MYO3B: variants seen among roughly 807,000 people sequenced by gnomAD.
MYO3B encodes the protein myosin IIIB.
In MYO3B, 156 loss-of-function variants were observed where a neutral mutation model predicts 174.6. The observed-to-expected ratio is 0.89, with a 90% CI of 0.78 to 1.02. MYO3B has a LOEUF of 1.02. Ranked by LOEUF, MYO3B falls within the 50% of genes least tolerant of loss-of-function variation. MYO3B has a pLI of 0.00. For synonymous variants in MYO3B, 563 were observed against 569.1 expected (o/e 0.99, Z 0.15); for missense variants, 1,632 against 1,639.4 (o/e 1.00, Z 0.08).
chr2:170,561,086 A>T (rs1479765228), intron 32 of MYO3B, among the ~76,000 whole-genome samples: 1 of 152,170 alleles, frequency 6.6e-6, no homozygotes, highest in East Asian at 1.9e-4. Context: ...TGTGCTGCTT[A>T]TTCTTTGCCC....
At chr2:170,445,446 A>G (rs1377972707) in intron 23 of MYO3B, among the ~76,000 whole-genome samples, 2 of 151,660 alleles carry the variant, frequency 1.3e-5, no homozygotes, top group Admixed American at 6.6e-5. Context: ...CATTCAAACG[A>G]TTCTCCTGCC....
In MYO3B at chr2:170,546,734, C is replaced by A. The variant is rs7557306; in HGVS notation, c.3733+2746C>A. 9.1e-3 allele frequency among the ~76,000 whole-genome samples: 1,381 copies of A among 152,204 alleles called. 35 individuals are homozygous for A. Among genetic ancestry groups the A allele is most frequent in the African/African-American group, 0.031 (1,306 of 41,522 alleles). ...AAGCAACATTTTTAGCAAATTATAC[C>A]TTTGTGTTTCATTCTGTGCTTTAAA... On this transcript the variant is annotated intron_variant, in intron 32 of 34. Coordinates refer to ENST00000408978, the MANE Select transcript of MYO3B (RefSeq NM_138995.5).
At chr2:170,623,234 G>GTTGT (rs1323547276) in intron 32 of MYO3B, among the ~76,000 whole-genome samples, 1 of 152,166 alleles carries the variant, frequency 6.6e-6, no homozygotes, top group African/African-American at 2.4e-5. Context: ...TCCAGCACCT[G>GTTGT]TTGTTTCCTG....
At chr2:170,444,506 A>T (rs1009166956) in intron 23 of MYO3B, among the ~76,000 whole-genome samples, 4 of 152,226 alleles carry the variant, frequency 2.6e-5, no homozygotes, top group African/African-American at 4.8e-5. Flanking sequence ...GTTTAACAAG[A>T]GTCTTAAGGA....
At chr2:170,393,908 T>A (rs923535870) in intron 16 of MYO3B, among the ~76,000 whole-genome samples, 13 of 152,182 alleles carry the variant, frequency 8.5e-5, no homozygotes, top group African/African-American at 3.1e-4. Flanking sequence ...TTAAAGGACC[T>A]TTGTGGTTAT....
chr2:170,225,115 T>C (rs888845889), intron 6 of MYO3B, among the ~76,000 whole-genome samples: 23 of 152,266 alleles, frequency 1.5e-4, no homozygotes, highest in African/African-American at 4.3e-4. Context: ...TGGGTTTGGT[T>C]CCCAAATAAG....
intron 7 of MYO3B, among the ~76,000 whole-genome samples, chr2:170,241,744 C>G (rs2093136563): frequency 6.6e-6 from 1 of 151,948 alleles, no homozygotes; most frequent in Non-Finnish European, 1.5e-5. Flanking sequence ...ATTTGAAGAG[C>G]TTCCTCAGGG....
chr2:170,189,190 AGAT>A (rs1184672775), intron 1 of MYO3B, among the ~76,000 whole-genome samples: 1 of 152,140 alleles, frequency 6.6e-6, no homozygotes, highest in African/African-American at 2.4e-5. Flanking sequence ...GTCTGCTGCC[AGAT>A]GATGACTGGA....
chr2:170,309,240 A>G (rs1297476209), intron 7 of MYO3B, among the ~76,000 whole-genome samples: 1 of 152,230 alleles, frequency 6.6e-6, no homozygotes, highest in African/African-American at 2.4e-5. Context: ...CACAATTTGA[A>G]TTGGTATCTC....
chr2:170,547,521 G>C (rs766183145), intron 32 of MYO3B, among the ~76,000 whole-genome samples: 2 of 151,976 alleles, frequency 1.3e-5, no homozygotes, highest in Non-Finnish European at 2.9e-5. Context: ...TAATGCAAAT[G>C]GTTATACTTT....
chr2:170,284,525 A>T lies in MYO3B; in HGVS notation c.749+48389A>T, dbSNP rs567881415. Among the ~76,000 whole-genome samples the T allele has an allele frequency of 2.0e-5, 3 of 152,242 alleles. 1 individual carries two copies. Among genetic ancestry groups the T allele is most frequent in the African/African-American group, 7.2e-5 (3 of 41,550 alleles). On this transcript the variant is annotated intron_variant, in intron 7 of 34. Coordinates refer to ENST00000408978, the MANE Select transcript of MYO3B (RefSeq NM_138995.5). ...TTTCAGGAGTTAAGACCTACAAAGC[A>T]TTTTGGTGAATGATGGGGAAAATAG...
At chr2:170,214,990 C>G (rs2092812523) in intron 5 of MYO3B, among the ~76,000 whole-genome samples, 162 bp downstream of exon 5, 1 of 152,090 alleles carries the variant, frequency 6.6e-6, no homozygotes, top group Admixed American at 6.5e-5. Context: ...AGATGGATCA[C>G]CCTAGGAGAT....
chr2:170,220,054 C>G lies in MYO3B; in HGVS notation c.603+2659C>G, dbSNP rs182047374. Among the ~76,000 whole-genome samples the G allele has an allele frequency of 1.2e-3, 183 of 152,060 alleles. 1 individual carries two copies. In the East Asian group the frequency reaches 0.017, roughly 14 times the overall value. ...TGGGCAGATCACGAGGTCAGGAGAT[C>G]GAGACCATCCTGGCTAACACAGTGA... On this transcript the variant is annotated intron_variant, in intron 6 of 34. Coordinates refer to ENST00000408978, the MANE Select transcript of MYO3B (RefSeq NM_138995.5).
intron 28 of MYO3B, among the ~76,000 whole-genome samples, chr2:170,508,731 A>G (rs1266601020): frequency 6.6e-6 from 1 of 152,206 alleles, no homozygotes; most frequent in Non-Finnish European, 1.5e-5. Context: ...AAGAGTTGAA[A>G]TACTGTCCTA....
chr2:170,194,508 A>AC (rs922466807), intron 1 of MYO3B, among the ~76,000 whole-genome samples: 14 of 132,454 alleles, frequency 1.1e-4, no homozygotes, highest in African/African-American at 3.7e-4. Flanking sequence ...CTGTCTCAAG[A>AC]AAAAAAAAAA....
chr2:170,187,463 C>T (rs2105312190), intron 1 of MYO3B, among the ~76,000 whole-genome samples: 1 of 152,248 alleles, frequency 6.6e-6, no homozygotes, highest in Non-Finnish European at 1.5e-5. Context: ...AACTCTTGAC[C>T]TCAAGTGACC....
At chr2:170,306,612 C>A (rs950676859) in intron 7 of MYO3B, among the ~76,000 whole-genome samples, 2 of 152,154 alleles carry the variant, frequency 1.3e-5, no homozygotes, top group African/African-American at 4.8e-5. Flanking sequence ...TTCAAAATGT[C>A]CTTGTCAAGT....
At chr2:170,230,336 ATTTTTTTTTT>A (rs60171555) in intron 6 of MYO3B, among the ~76,000 whole-genome samples, 3 of 64,706 alleles carry the variant, frequency 4.6e-5, no homozygotes, top group Middle Eastern at 0.021. Context: ...CGCCTGGCTA[ATTTTTTTTTT>A]TTTTTTTTTT....
intron 31 of MYO3B, 55 bp downstream of exon 31, chr2:170,543,021 C>T (rs1297667387): frequency 3.5e-6 from 5 of 1,422,304 alleles, no homozygotes; most frequent in African/African-American, 1.4e-5. Context: ...CAGACTCATC[C>T]AAGTTCATAG....
Sources: allele counts gnomAD v4.1 joint callset (sites outside exome capture counted in the v4.1 genomes callset), GRCh38; gene constraint gnomAD v4.1.1; transcripts MANE v1.5; gene names NCBI Gene and HGNC (gene_info 2026-07-23, HGNC 2026-07-21).